The following RAP1GAP2 variants were observed in gnomAD, a reference collection of about 807,000 sequenced individuals.
The protein encoded by RAP1GAP2 is rap1 GTPase-activating protein 2.
In RAP1GAP2, 27 loss-of-function variants were observed where a neutral mutation model predicts 95.0. That is an observed-to-expected ratio of 0.28 (90% CI 0.21 to 0.39). The LOEUF is 0.39. RAP1GAP2 is among the 10% of genes least tolerant of loss of function. The pLI, the probability that RAP1GAP2 is intolerant of heterozygous loss-of-function variation, is 1.00. For synonymous variants in RAP1GAP2, 373 were observed against 380.9 expected (o/e 0.98, Z 0.24); for missense variants, 771 against 970.0 (o/e 0.79, Z 2.72).
intron 3 of RAP1GAP2, among the ~76,000 whole-genome samples, chr17:2,942,765 TTTTTA>T (rs1168481554): frequency 7.9e-5 from 12 of 152,160 alleles, no homozygotes; most frequent in African/African-American, 1.4e-4. Context: ...CTAATTCCAA[TTTTTA>T]TTTTATTTTA....
chr17:2,950,058 C>T (rs1388189156), intron 3 of RAP1GAP2, among the ~76,000 whole-genome samples: 1,031 of 101,314 alleles, frequency 0.01, 26 homozygotes, highest in Admixed American at 0.058. Flanking sequence ...TCTTCTTCTT[C>T]TTCTTTTTTT....
intron 2 of RAP1GAP2, among the ~76,000 whole-genome samples, chr17:2,815,966 G>T (rs185208315): frequency 4.3e-4 from 65 of 152,362 alleles, no homozygotes; most frequent in Admixed American, 4.2e-3. Flanking sequence ...CTGGCTGGAC[G>T]TGGTCAGAAG....
At chr17:2,944,492 TC>T (rs2043634771) in intron 3 of RAP1GAP2, among the ~76,000 whole-genome samples, 1 of 151,544 alleles carries the variant, frequency 6.6e-6, no homozygotes, top group Non-Finnish European at 1.5e-5. Context: ...CTCTGTCGGT[TC>T]ATATGCCTGT....
At chr17:2,967,354 G>T (rs1162159779) in intron 8 of RAP1GAP2, among the ~76,000 whole-genome samples, 1 of 152,096 alleles carries the variant, frequency 6.6e-6, no homozygotes, top group Non-Finnish European at 1.5e-5. Flanking sequence ...CTGGGCGACA[G>T]AGTGAGACTC....
chr17:2,794,870 C>CTTT (rs148825285), upstream of RAP1GAP2, among the ~76,000 whole-genome samples: 24 of 57,930 alleles, frequency 4.1e-4, no homozygotes, highest in African/African-American at 1.4e-3. Flanking sequence ...CGTTTTTTTC[C>CTTT]TTTTTTTTTT....
rs544118755 is a variant in RAP1GAP2 at position 2,818,968 on chromosome 17, A to T, written c.80+18418A>T. On this transcript the variant is annotated intron_variant, in intron 2 of 24. Transcript: ENST00000254695. Reference sequence around the variant, plus strand: ...AGGGGATGTAGCAGACACAGGATGGATATATTACCATTATCGTTCTGCATG... The same window carrying T: ...AGGGGATGTAGCAGACACAGGATGGTTATATTACCATTATCGTTCTGCATG... 2.1e-4 allele frequency among the ~76,000 whole-genome samples: 32 copies of T among 152,104 alleles called. 1 individual carries two copies. Among genetic ancestry groups the T allele is most frequent in the Middle Eastern group, 3.4e-3 (1 of 294 alleles).
chr17:2,980,665 C>T (rs796720505), intron 9 of RAP1GAP2, among the ~76,000 whole-genome samples: 15 of 152,184 alleles, frequency 9.9e-5, no homozygotes, highest in African/African-American at 2.6e-4. Context: ...AGTAGAAAGA[C>T]GGGGCTGGAT....
chr17:2,965,656 C>G lies in RAP1GAP2; in HGVS notation c.596+13C>G, dbSNP rs539197283. On this transcript the variant is annotated intron_variant, in intron 8 of 24. Coordinates refer to ENST00000254695, the MANE Select transcript of RAP1GAP2 (RefSeq NM_015085.5). The surrounding 1 kb of genome is among the most constrained non-coding windows in gnomAD (Gnocchi z 4.7). Reference sequence around the variant, plus strand: ...GGGTCATCCTTAGGTAGGGCTGTTGCGCTGCTTGAGGCCACTTCTCTTCCA... The same window carrying G: ...GGGTCATCCTTAGGTAGGGCTGTTGGGCTGCTTGAGGCCACTTCTCTTCCA... 22 of 1,571,582 alleles carry G rather than the reference C, an allele frequency of 1.4e-5. No individual in the cohort carries two copies. Among genetic ancestry groups the G allele is most frequent in the Non-Finnish European group, 1.7e-5 (19 of 1,150,152 alleles).
chr17:3,026,592 A>T, intron 21 of RAP1GAP2, 128 bp downstream of exon 21: 2 of 875,986 alleles, frequency 2.3e-6, no homozygotes, highest in South Asian at 3.5e-5. Flanking sequence ...AAGAATGGAA[A>T]CGAGAGGTGG....
At chr17:3,010,134 G>A (rs2046470436) in intron 17 of RAP1GAP2, among the ~76,000 whole-genome samples, 2 of 152,112 alleles carry the variant, frequency 1.3e-5, no homozygotes, top group Admixed American at 1.3e-4. Flanking sequence ...GAGGTCAGGA[G>A]ATCGAGACCA....
At chr17:2,869,595 C>G (rs1036687871) in intron 2 of RAP1GAP2, among the ~76,000 whole-genome samples, 1 of 152,124 alleles carries the variant, frequency 6.6e-6, no homozygotes, top group South Asian at 2.1e-4. Context: ...CTTGGGGACT[C>G]CAGGGAAGCA....
At chr17:2,917,968 G>C (rs980301678) in intron 3 of RAP1GAP2, among the ~76,000 whole-genome samples, 3 of 152,118 alleles carry the variant, frequency 2.0e-5, no homozygotes, top group Admixed American at 2.0e-4. Context: ...CACCTGCCTC[G>C]GCCTCCGGAA....
At chr17:2,984,943 T>G in intron 10 of RAP1GAP2, 40 bp from the exon 11 acceptor site, 1 of 1,606,184 alleles carries the variant, frequency 6.2e-7, no homozygotes, top group Non-Finnish European at 8.5e-7. Flanking sequence ...CTTCCAAATT[T>G]AACAAATGTT....
chr17:2,855,183 C>T lies in RAP1GAP2; in HGVS notation c.81-50101C>T, dbSNP rs1380936820. On this transcript the variant is annotated intron_variant, in intron 2 of 24. Coordinates refer to ENST00000254695, the MANE Select transcript of RAP1GAP2 (RefSeq NM_015085.5). The surrounding 1 kb of genome is among the most constrained non-coding windows in gnomAD (Gnocchi z 4.3). ...CCCCCATTCCTCTCGTCCCCCCTTC[C>T]TATAATGTGTGTAACAAGATGTTGC... 6.6e-6 allele frequency among the ~76,000 whole-genome samples: 1 copy of T among 152,110 alleles called. No homozygotes were observed. The highest frequency in any genetic ancestry group is 1.5e-5 in the Non-Finnish European group (1 of 68,032).
intron 2 of RAP1GAP2, among the ~76,000 whole-genome samples, chr17:2,862,133 C>T (rs935588420): frequency 3.9e-5 from 6 of 152,102 alleles, no homozygotes; most frequent in Admixed American, 6.6e-5. Context: ...GACCCGTAGA[C>T]GTGAGAGGGA....
chr17:2,869,267 G>A (rs1436897851), intron 2 of RAP1GAP2, among the ~76,000 whole-genome samples: 1 of 152,056 alleles, frequency 6.6e-6, no homozygotes, highest in Non-Finnish European at 1.5e-5. Flanking sequence ...AATTCCTAGG[G>A]GCAGAAAGTA....
intron 2 of RAP1GAP2, among the ~76,000 whole-genome samples, chr17:2,808,662 C>T (rs565463900): frequency 6.6e-6 from 1 of 152,316 alleles, no homozygotes; most frequent in East Asian, 1.9e-4. Context: ...GACAGCTGGC[C>T]ACACCACAGA....
chr17:2,774,061 T>C (rs1308762209), upstream of RAP1GAP2, among the ~76,000 whole-genome samples: 2 of 152,082 alleles, frequency 1.3e-5, no homozygotes, highest in Non-Finnish European at 2.9e-5. Context: ...CCTGGCCAGG[T>C]AGTAGACACA....
Position 3,003,566 on chromosome 17 carries a change from T to C in RAP1GAP2, c.1201-1803T>C, listed in dbSNP as rs2046237809. Reference sequence around the variant, plus strand: ...CTTGGGCGTGGGGCCTTTGTCACGTTTGAAGCTTTCTGAGGTTCCCAGTGC... The same window carrying C: ...CTTGGGCGTGGGGCCTTTGTCACGTCTGAAGCTTTCTGAGGTTCCCAGTGC... On this transcript the variant is annotated intron_variant, in intron 14 of 24. Coordinates refer to ENST00000254695, the MANE Select transcript of RAP1GAP2 (RefSeq NM_015085.5). The surrounding 1 kb of genome is among the most constrained non-coding windows in gnomAD (Gnocchi z 4.1). 6.6e-6 allele frequency among the ~76,000 whole-genome samples: 1 copy of C among 152,176 alleles called. No homozygotes were observed. Among genetic ancestry groups the C allele is most frequent in the Non-Finnish European group, 1.5e-5 (1 of 68,028 alleles).
Sources: allele counts gnomAD v4.1 joint callset (sites outside exome capture counted in the v4.1 genomes callset), GRCh38; gene constraint gnomAD v4.1.1; non-coding constraint Gnocchi (gnomAD v3.1); transcripts MANE v1.5; gene names NCBI Gene and HGNC (gene_info 2026-07-23, HGNC 2026-07-21).